FN3KRP: variants seen among roughly 807,000 people sequenced by gnomAD.
FN3KRP encodes ketosamine-3-kinase.
FN3KRP carries 33 observed loss-of-function variants against 29.8 expected under a neutral mutation model. The ratio of observed to expected loss-of-function variants is 1.11; its 90% CI spans 0.84 to 1.48. FN3KRP has a LOEUF of 1.48. Ranked by LOEUF, FN3KRP falls within the 40% of genes most tolerant of loss-of-function variation. The probability of loss-of-function intolerance (pLI) is 0.00; values close to 1 mark genes in which losing one functional copy is unlikely to be tolerated. For synonymous variants in FN3KRP, 157 were observed against 155.2 expected, an observed-to-expected ratio of 1.01 and a Z score of -0.09; for missense variants, 430 against 402.6, an observed-to-expected ratio of 1.07 and a Z score of -0.58.
In FN3KRP at chr17:82,727,337, G is replaced by C. The variant is rs146163729; in HGVS notation, c.*166G>C. On this transcript the variant is annotated 3_prime_UTR_variant, in exon 6 of 6. Transcript: ENST00000269373. ...AGAGGAAAGGTTTTGTCATCCCAGC[G>C]TTGTCCACTTTGTGGGGCTTTGTAG... 1.4e-4 allele frequency: 89 copies of C among 650,968 alleles called. No homozygotes were observed. In the African/African-American group the frequency reaches 1.4e-3, roughly 10 times the overall value. The allele number at this position is 650,968 out of a possible 1,614,324, so 40.3% of individuals were successfully genotyped here.
At chr17:82,716,951 C>A in intron 1 of FN3KRP, 55 bp downstream of exon 1, 2 of 1,523,246 alleles carry the variant, frequency 1.3e-6, no homozygotes, top group East Asian at 2.7e-5. Context: ...GAGAGGGTCG[C>A]GGGCCTCGGC....
Position 82,722,800 on chromosome 17 carries a change from C to G in FN3KRP, c.386-4C>G, listed in dbSNP as rs745498949. ...ATTTCCTTTCTTTTACTTTTGCTTGCAAGGGAGAGGAGGTGGGCAGGAGGA... is the reference window on the plus strand; with the variant it reads ...ATTTCCTTTCTTTTACTTTTGCTTGGAAGGGAGAGGAGGTGGGCAGGAGGA... On this transcript the variant is annotated splice_polypyrimidine_tract_variant and splice_region_variant and intron_variant, in intron 3 of 5. Transcript: ENST00000269373. The G allele has an allele frequency of 1.2e-6, 2 of 1,613,470 alleles. No homozygotes were observed. The highest frequency in any genetic ancestry group is 2.2e-5 in the South Asian group (2 of 91,034).
At position 82,722,884 on chromosome 17, in the gene FN3KRP, C is replaced by G. The variant is rs191683466; in HGVS notation, c.466C>G (p.Gln156Glu). 4 of 1,613,832 alleles carry G rather than the reference C, an allele frequency of 2.5e-6. No individual in the cohort carries two copies. The highest frequency in any genetic ancestry group is 3.4e-6 in the Non-Finnish European group (4 of 1,179,742). The change falls in exon 4 of 6, where the codon CAG becomes GAG. Residue 156 changes from glutamine to glutamate, a missense_variant and splice_region_variant. Physicochemically the swap from Gln to Glu is conservative, Grantham distance 29. Transcript: ENST00000269373. ...DVVTCCGYLP[Q>E]VNDWQEDWVV... ...GGTGACGTGCTGTGGATACCTCCCC[C>G]AGGTGAGTGCACGGCGTTTGCTTCT...
At position 82,720,473 on chromosome 17, in the gene FN3KRP, G is replaced by A. The variant is rs1290765484; in HGVS notation, c.385+110G>A. 10 of 749,186 alleles carry A rather than the reference G, an allele frequency of 1.3e-5. No individual in the cohort carries two copies. The South Asian group carries it at 1.6e-4, about 12-fold the overall frequency. 46.4% of individuals were successfully genotyped at this position (749,186 alleles called of 1,614,324 possible). ...GCCGTGGGAGGGTCGGACGTGGGCT[G>A]ATGGCAGAGCAAGGGAATGTCGGCC... On this transcript the variant is annotated intron_variant, in intron 3 of 5. Coordinates refer to ENST00000269373, the MANE Select transcript of FN3KRP (RefSeq NM_024619.4).
chr17:82,720,366 A>C lies in FN3KRP; in HGVS notation c.385+3A>C, dbSNP rs1211179531. The C allele has an allele frequency of 2.5e-6, 4 of 1,611,636 alleles. No individual in the cohort carries two copies. The highest frequency in any genetic ancestry group is 1.7e-5 in the Admixed American group (1 of 59,962). ...CCTGAAGGAGGCGGGCACAGTGGGT[A>C]TGGCACTGCGCGGGCCACGGGTGCT... On this transcript the variant is annotated splice_donor_region_variant and intron_variant, in intron 3 of 5. Transcript: ENST00000269373.
In FN3KRP at chr17:82,727,073, C is replaced by CA; in HGVS notation, c.833dup (p.Leu279ValfsTer61). 6.2e-7 allele frequency: 1 copy of CA among 1,614,174 alleles called. No individual in the cohort carries two copies. The highest frequency in any genetic ancestry group is 1.1e-5 in the South Asian group (1 of 91,088). On this transcript the variant is annotated frameshift_variant, in exon 6 of 6. Coordinates refer to ENST00000269373, the MANE Select transcript of FN3KRP (RefSeq NM_024619.4). LOFTEE classifies it high-confidence loss of function. ...GGCCCCAGGATTCGAGAAGCGCCTTCAGTTGTATCAGCTCTTTCACTACTT... is the reference window on the plus strand; with the variant it reads ...GGCCCCAGGATTCGAGAAGCGCCTTCAAGTTGTATCAGCTCTTTCACTACTT...
intron 2 of FN3KRP, among the ~76,000 whole-genome samples, chr17:82,719,886 C>T (rs114382450): frequency 0.012 from 1,826 of 152,288 alleles, 44 homozygotes; most frequent in African/African-American, 0.042. Flanking sequence ...ACCTACTAGC[C>T]GGCTGTGGTG....
At chr17:82,726,778 C>T in intron 5 of FN3KRP, 55 bp from the exon 6 acceptor site, 7 of 1,495,330 alleles carry the variant, frequency 4.7e-6, no homozygotes, top group Non-Finnish European at 6.3e-6. Context: ...CCTGGAGCGG[C>T]GCCCCTCATG....
chr17:82,724,388 G>C (rs551141164), intron 4 of FN3KRP, among the ~76,000 whole-genome samples: 2 of 152,006 alleles, frequency 1.3e-5, no homozygotes, highest in South Asian at 2.1e-4. Context: ...GGCAGATCAC[G>C]TGAGGTAGAG....
chr17:82,725,588 T>TAA (rs1361317679), intron 4 of FN3KRP, among the ~76,000 whole-genome samples: 1 of 152,128 alleles, frequency 6.6e-6, no homozygotes, highest in African/African-American at 2.4e-5. Context: ...TGACTGGGAT[T>TAA]ACAGGCGCCC....
intron 2 of FN3KRP, 151 bp from the exon 3 acceptor site, chr17:82,720,121 G>A (rs1180214888): frequency 5.6e-6 from 3 of 536,434 alleles, no homozygotes; most frequent in Middle Eastern, 2.9e-4. Context: ...AGCCGAGATC[G>A]TGCCACTGCC....
intron 1 of FN3KRP, among the ~76,000 whole-genome samples, chr17:82,718,129 T>G (rs1479391624): frequency 6.8e-6 from 1 of 148,100 alleles, no homozygotes; most frequent in East Asian, 2.0e-4. Context: ...GTTGTGTGTG[T>G]TGTGTGTCTG....
Position 82,720,377 on chromosome 17 carries a change from C to T in FN3KRP, c.385+14C>T, listed in dbSNP as rs750049231. 302 of 1,603,112 alleles carry T rather than the reference C, an allele frequency of 1.9e-4. No individual in the cohort carries two copies. Among genetic ancestry groups the T allele is most frequent in the Non-Finnish European group, 2.3e-4 (265 of 1,173,232 alleles). ...CGGGCACAGTGGGTATGGCACTGCGCGGGCCACGGGTGCTCCCGCCTAGAG... is the reference window on the plus strand; with the variant it reads ...CGGGCACAGTGGGTATGGCACTGCGTGGGCCACGGGTGCTCCCGCCTAGAG... On this transcript the variant is annotated intron_variant, in intron 3 of 5. Coordinates refer to ENST00000269373, the MANE Select transcript of FN3KRP (RefSeq NM_024619.4).
At chr17:82,722,171 G>A (rs746030592) in intron 3 of FN3KRP, among the ~76,000 whole-genome samples, 1 of 150,854 alleles carries the variant, frequency 6.6e-6, no homozygotes, top group Non-Finnish European at 1.5e-5. Flanking sequence ...TTTCACTCTC[G>A]TTGCCCAGGC....
chr17:82,723,702 T>C (rs1207095477), intron 4 of FN3KRP, among the ~76,000 whole-genome samples: 1 of 152,182 alleles, frequency 6.6e-6, no homozygotes, highest in African/African-American at 2.4e-5. Context: ...TGCGCATGAC[T>C]GTGTGCCTGA....
At chr17:82,724,385 C>G (rs1328110456) in intron 4 of FN3KRP, among the ~76,000 whole-genome samples, 1 of 152,090 alleles carries the variant, frequency 6.6e-6, no homozygotes, top group Non-Finnish European at 1.5e-5. Flanking sequence ...GCGGGCAGAT[C>G]ACGTGAGGTA....
intron 1 of FN3KRP, among the ~76,000 whole-genome samples, chr17:82,717,366 G>GCTGC (rs1189597889): frequency 6.6e-6 from 1 of 152,330 alleles, no homozygotes; most frequent in African/African-American, 2.4e-5. Context: ...GGGCGAAGGT[G>GCTGC]CTGCCCCCAG....
At chr17:82,724,561 G>A (rs71376527) in intron 4 of FN3KRP, among the ~76,000 whole-genome samples, 2 of 151,320 alleles carry the variant, frequency 1.3e-5, no homozygotes, top group African/African-American at 2.4e-5. Flanking sequence ...CTGAAATCAC[G>A]CCATTGCACT....
rs952666184 is a variant in FN3KRP, at chr17:82,725,505, A to G, written c.469-975A>G. Among the ~76,000 whole-genome samples, 22 of 152,048 alleles carry G rather than the reference A, an allele frequency of 1.4e-4. No individual in the cohort carries two copies. In the South Asian group the frequency reaches 3.5e-3, roughly 24 times the overall value. On this transcript the variant is annotated intron_variant, in intron 4 of 5. Transcript: ENST00000269373. ...CTCGCTGTCACCCAGGCTAGAGTGC[A>G]GTGGTGCGATCTTGGCTCACTGCAA...
Sources: allele counts gnomAD v4.1 joint callset (sites outside exome capture counted in the v4.1 genomes callset), GRCh38; gene constraint gnomAD v4.1.1; transcripts MANE v1.5; gene names NCBI Gene and HGNC (gene_info 2026-07-23, HGNC 2026-07-21).